TBC1D22B: variants seen among roughly 807,000 people sequenced by gnomAD.
TBC1D22B encodes TBC1 domain family member 22B.
In TBC1D22B, 32 loss-of-function variants were observed where a neutral mutation model predicts 69.1. That is an observed-to-expected ratio of 0.46 (90% CI 0.35 to 0.62). TBC1D22B has a LOEUF of 0.62. TBC1D22B is among the 20% of genes least tolerant of loss of function. The probability of loss-of-function intolerance (pLI) is 0.00; values close to 1 mark genes in which losing one functional copy is unlikely to be tolerated. For synonymous variants in TBC1D22B, 206 were observed against 229.8 expected (o/e 0.90, Z 0.94); for missense variants, 462 against 630.9 (o/e 0.73, Z 2.87).
chr6:37,314,549 A>G (rs1360921097), intron 10 of TBC1D22B, among the ~76,000 whole-genome samples: 1 of 152,206 alleles, frequency 6.6e-6, no homozygotes, highest in African/African-American at 2.4e-5. Context: ...GCCTAGAGTC[A>G]TAGAATGTTA....
intron 2 of TBC1D22B, 54 bp downstream of exon 2, chr6:37,269,704 C>T: frequency 2.0e-6 from 3 of 1,538,392 alleles, no homozygotes; most frequent in East Asian, 2.2e-5. Flanking sequence ...CCTATACCCT[C>T]CCCTATTTTG....
chr6:37,321,389 C>G (rs750185658), intron 12 of TBC1D22B, among the ~76,000 whole-genome samples: 1 of 152,204 alleles, frequency 6.6e-6, no homozygotes, highest in Non-Finnish European at 1.5e-5. Flanking sequence ...CCACCTCCCT[C>G]AAGATTTCTT....
At chr6:37,283,223 G>T (rs959480224) in intron 5 of TBC1D22B, among the ~76,000 whole-genome samples, 1 of 152,240 alleles carries the variant, frequency 6.6e-6, no homozygotes, top group African/African-American at 2.4e-5. Flanking sequence ...GAGATAGGGT[G>T]ATCCCAGCAC....
At chr6:37,266,930 C>CTTTTTTTTTT (rs35702920) in intron 1 of TBC1D22B, among the ~76,000 whole-genome samples, 5 of 54,858 alleles carry the variant, frequency 9.1e-5, no homozygotes, top group African/African-American at 3.0e-4. Context: ...TTTTCTTCGT[C>CTTTTTTTTTT]TTTTTTTTTT....
At chr6:37,280,374 G>A (rs1373274250) in intron 3 of TBC1D22B, among the ~76,000 whole-genome samples, 1 of 152,212 alleles carries the variant, frequency 6.6e-6, no homozygotes, top group African/African-American at 2.4e-5. Flanking sequence ...AGGATGAAAA[G>A]GAAGTAGAAG....
chr6:37,325,896 G>C (rs1768385174), intron 12 of TBC1D22B, among the ~76,000 whole-genome samples: 1 of 152,168 alleles, frequency 6.6e-6, no homozygotes, highest in Admixed American at 6.5e-5. Context: ...TAGGGTCGGG[G>C]CTAGAGGTGG....
chr6:37,276,060 G>A (rs1418008210), intron 2 of TBC1D22B, among the ~76,000 whole-genome samples: 2 of 151,100 alleles, frequency 1.3e-5, no homozygotes, highest in African/African-American at 4.9e-5. Context: ...TGCCTTCCGG[G>A]TTCAAGTGAT....
At chr6:37,274,794 T>A (rs568815104) in intron 2 of TBC1D22B, among the ~76,000 whole-genome samples, 1 of 152,374 alleles carries the variant, frequency 6.6e-6, no homozygotes, top group Non-Finnish European at 1.5e-5. Context: ...CTCACGCCTG[T>A]AATCCCAACG....
At chr6:37,322,829 G>A (rs1768288823) in intron 12 of TBC1D22B, among the ~76,000 whole-genome samples, 3 of 152,142 alleles carry the variant, frequency 2.0e-5, no homozygotes, top group Admixed American at 2.0e-4. Context: ...AAACCAAGGG[G>A]TTACAACGGG....
intron 12 of TBC1D22B, among the ~76,000 whole-genome samples, chr6:37,321,873 T>C (rs1212222140): frequency 6.6e-6 from 1 of 152,180 alleles, no homozygotes; most frequent in Non-Finnish European, 1.5e-5. Context: ...TTCTCTGTTT[T>C]CATCTGGGTG....
At chr6:37,271,393 A>G (rs1766479009) in intron 2 of TBC1D22B, among the ~76,000 whole-genome samples, 1 of 152,216 alleles carries the variant, frequency 6.6e-6, no homozygotes, top group African/African-American at 2.4e-5. Flanking sequence ...CAGAATGTAC[A>G]AGAGTGAACC....
At chr6:37,267,373 C>T (rs9394428) in intron 1 of TBC1D22B, among the ~76,000 whole-genome samples, 117,820 of 138,894 alleles carry the variant, frequency 0.85, 49,742 homozygotes, top group South Asian at 0.92. Context: ...AATATATATA[C>T]ACACATATAT....
intron 1 of TBC1D22B, among the ~76,000 whole-genome samples, chr6:37,266,930 C>CTTTTTT (rs35702920): frequency 8.0e-4 from 44 of 54,848 alleles, no homozygotes; most frequent in Middle Eastern, 0.017. Flanking sequence ...TTTTCTTCGT[C>CTTTTTT]TTTTTTTTTT....
intron 7 of TBC1D22B, among the ~76,000 whole-genome samples, chr6:37,287,861 CTG>C (rs1269418156): frequency 2.6e-5 from 4 of 152,134 alleles, no homozygotes; most frequent in Non-Finnish European, 5.9e-5. Context: ...GTTTGAGTCT[CTG>C]TTTTAAATTC....
chr6:37,268,618 C>T (rs374670443), intron 1 of TBC1D22B, among the ~76,000 whole-genome samples: 1 of 152,112 alleles, frequency 6.6e-6, no homozygotes, highest in African/African-American at 2.4e-5. Context: ...AAAGTGAACA[C>T]CCCAGAAACT....
At chr6:37,323,739 C>T (rs371375542) in intron 12 of TBC1D22B, among the ~76,000 whole-genome samples, 11 of 152,194 alleles carry the variant, frequency 7.2e-5, no homozygotes, top group Admixed American at 2.0e-4. Flanking sequence ...GGAACATTGC[C>T]GAATGGAGGC....
chr6:37,331,462 A>G lies in TBC1D22B; in HGVS notation c.*290A>G. On this transcript the variant is annotated 3_prime_UTR_variant, in exon 13 of 13. Coordinates refer to ENST00000373491, the MANE Select transcript of TBC1D22B (RefSeq NM_017772.4). The stretch of plus-strand genomic sequence containing the variant: ...TAAAAGAAACTGGACAAAGAAGGGG[A>G]AGGCTCAGGGTCTCACCTCACATTG... 1 of 306,142 alleles carries G rather than the reference A, an allele frequency of 3.3e-6. No individual in the cohort carries two copies. The highest frequency in any genetic ancestry group is 6.2e-6 in the Non-Finnish European group (1 of 162,054). 19.0% of individuals were successfully genotyped at this position (306,142 alleles called of 1,614,324 possible).
intron 12 of TBC1D22B, among the ~76,000 whole-genome samples, chr6:37,319,629 T>C (rs1307750802): frequency 6.6e-6 from 1 of 152,258 alleles, no homozygotes; most frequent in African/African-American, 2.4e-5. Flanking sequence ...TGCTGCTGTA[T>C]TAACACCTCG....
chr6:37,296,263 A>G (rs937098058), intron 8 of TBC1D22B, among the ~76,000 whole-genome samples: 9 of 152,102 alleles, frequency 5.9e-5, no homozygotes, highest in Non-Finnish European at 1.2e-4. Context: ...CTCCATCTCA[A>G]AAAATAATAA....
Sources: allele counts gnomAD v4.1 joint callset (sites outside exome capture counted in the v4.1 genomes callset), GRCh38; gene constraint gnomAD v4.1.1; transcripts MANE v1.5; gene names NCBI Gene and HGNC (gene_info 2026-07-23, HGNC 2026-07-21).